HDAC4: variants seen among roughly 807,000 people sequenced by gnomAD.
HDAC4 encodes the protein histone deacetylase A.
Under a neutral mutation model 135.1 loss-of-function variants are expected in HDAC4, and 16 were observed. The observed-to-expected ratio is 0.12, with a 90% CI of 0.08 to 0.18. The LOEUF (loss-of-function observed/expected upper bound fraction) is 0.18, where lower values mean the gene tolerates loss of function less well. Ranked by LOEUF, HDAC4 falls within the 10% of genes least tolerant of loss-of-function variation. HDAC4 has a pLI of 1.00. For missense variants in HDAC4, 1,143 were observed against 1,511.8 expected, an observed-to-expected ratio of 0.76 and a Z score of 4.05; for synonymous variants, 685 against 653.4, an observed-to-expected ratio of 1.05 and a Z score of -0.74.
chr2:239,299,338 GAT>G lies in HDAC4; in HGVS notation c.22+53338_22+53339del, dbSNP rs771160434. Among the ~76,000 whole-genome samples, 58 of 152,310 alleles carry G rather than the reference GAT, an allele frequency of 3.8e-4. 1 individual carries two copies. Among genetic ancestry groups the G allele is most frequent in the Non-Finnish European group, 4.0e-4 (27 of 68,032 alleles). On this transcript the variant is annotated intron_variant, in intron 2 of 26. Coordinates refer to ENST00000543185, the MANE Select transcript of HDAC4 (RefSeq NM_001378414.1). The surrounding 1 kb of genome is among the most constrained non-coding windows in gnomAD (Gnocchi z 4.0). ...TGTTTTGTTTCAAATGCCAAGTAGA[GAT>G]ATTTAAGTACAGGGACAGAGCGTGG...
chr2:239,154,982 G>A (rs1289350191), intron 7 of HDAC4: 4 of 152,276 alleles, frequency 2.6e-5, no homozygotes, highest in Admixed American at 1.3e-4. Flanking sequence ...TGCTGATATG[G>A]CCCACTCCAG....
chr2:239,115,131 A>G lies in HDAC4; in HGVS notation c.1713T>C (p.Asp571=). 1.2e-6 allele frequency: 2 copies of G among 1,611,756 alleles called. No individual in the cohort carries two copies. Among genetic ancestry groups the G allele is most frequent in the African/African-American group, 1.3e-5 (1 of 75,026 alleles). ...CCCGTGGGGGCTCTGCCTCTTCCTCATCGCTCTCAATGGGCTCCTGCTTCA... is the reference window on the plus strand; with the variant it reads ...CCCGTGGGGGCTCTGCCTCTTCCTCGTCGCTCTCAATGGGCTCCTGCTTCA... ...VQVKQEPIES[D]EEEAEPPREV... is the part of the protein sequence containing the mutation. The change falls in exon 13 of 27, where the codon GAT becomes GAC. Residue 571 remains aspartate (D), a synonymous_variant. Coordinates refer to ENST00000543185, the MANE Select transcript of HDAC4 (RefSeq NM_001378414.1). This position sits in a 1 kb window ranked among gnomAD's most constrained non-coding sequence, Gnocchi z 6.3.
intron 3 of HDAC4, chr2:239,190,975 T>G: frequency 2.1e-6 from 1 of 465,986 alleles, no homozygotes; most frequent in Non-Finnish European, 4.4e-6. Flanking sequence ...GTGCAGGCAC[T>G]CACTCTGAGC....
intron 2 of HDAC4, among the ~76,000 whole-genome samples, chr2:239,294,850 T>TC (rs1386298264): frequency 6.6e-6 from 1 of 152,110 alleles, no homozygotes; most frequent in Admixed American, 6.5e-5. Context: ...CTGTGCGCTC[T>TC]CAGGACAGGA....
At chr2:239,192,484 C>G (rs567330749) in intron 3 of HDAC4, among the ~76,000 whole-genome samples, 2 of 152,252 alleles carry the variant, frequency 1.3e-5, no homozygotes, top group East Asian at 3.9e-4. Flanking sequence ...ATATGAAAGG[C>G]AGGGAGGAGA....
At chr2:239,374,677 A>C (rs571282319) in intron 1 of HDAC4, among the ~76,000 whole-genome samples, 1 of 152,250 alleles carries the variant, frequency 6.6e-6, no homozygotes, top group South Asian at 2.1e-4. Flanking sequence ...TGCTGGGATT[A>C]CAGGCGTGAG....
chr2:239,113,681 CCTA>C (rs2038880305), intron 13 of HDAC4, among the ~76,000 whole-genome samples: 1 of 152,196 alleles, frequency 6.6e-6, no homozygotes, highest in South Asian at 2.1e-4. Context: ...TTCTTATCAG[CCTA>C]ATAATAGCAC....
intron 21 of HDAC4, 129 bp downstream of exon 21, chr2:239,081,973 C>T: frequency 1.1e-6 from 1 of 944,516 alleles, no homozygotes; most frequent in South Asian, 1.5e-5. Flanking sequence ...AAGTTACTGT[C>T]TGGGCTTAAG....
At chr2:239,161,019 A>G (rs1040648514) in intron 6 of HDAC4, among the ~76,000 whole-genome samples, 2 of 152,032 alleles carry the variant, frequency 1.3e-5, no homozygotes, top group Non-Finnish European at 2.9e-5. Context: ...CGCAGTTTTG[A>G]TTTGCATTTA....
chr2:239,121,427 C>G (rs1333788832), intron 12 of HDAC4, among the ~76,000 whole-genome samples: 2 of 152,214 alleles, frequency 1.3e-5, no homozygotes, highest in Non-Finnish European at 2.9e-5. Flanking sequence ...ACCTGCCTGC[C>G]TGAGGCTTTC....
intron 9 of HDAC4, among the ~76,000 whole-genome samples, chr2:239,138,735 G>A (rs1395007431): frequency 1.3e-5 from 2 of 152,212 alleles, no homozygotes; most frequent in Non-Finnish European, 2.9e-5. Context: ...GTGGGGCATT[G>A]TGTGGAGTGT....
intron 4 of HDAC4, among the ~76,000 whole-genome samples, chr2:239,183,836 A>G (rs1387205257): frequency 1.3e-5 from 2 of 152,118 alleles, no homozygotes; most frequent in African/African-American, 2.4e-5. Flanking sequence ...CCTGGGCAAC[A>G]TCTCTTCACC....
intron 2 of HDAC4, among the ~76,000 whole-genome samples, chr2:239,295,001 T>C (rs1372429743): frequency 6.6e-6 from 1 of 152,100 alleles, no homozygotes; most frequent in African/African-American, 2.4e-5. Context: ...TAAGGGTTTT[T>C]TAATAATGTG....
chr2:239,127,512 A>G (rs562591446), intron 11 of HDAC4, among the ~76,000 whole-genome samples: 2 of 152,200 alleles, frequency 1.3e-5, no homozygotes, highest in Non-Finnish European at 2.9e-5. Flanking sequence ...TTGTGGGCAA[A>G]AGGATCTAAC....
intron 5 of HDAC4, among the ~76,000 whole-genome samples, chr2:239,170,996 C>T (rs1452437496): frequency 6.6e-6 from 1 of 152,188 alleles, no homozygotes. Context: ...AGCTCCAGAC[C>T]TGACTGCATT....
At chr2:239,372,946 G>A (rs10200378) in intron 1 of HDAC4, among the ~76,000 whole-genome samples, 5,018 of 152,160 alleles carry the variant, frequency 0.033, 261 homozygotes, top group African/African-American at 0.11. Flanking sequence ...ACCATGTCTC[G>A]GGGGAGTCCG....
At position 239,190,214 on chromosome 2, in the gene HDAC4, CTCCCCCTG is replaced by C. The variant is rs551382435; in HGVS notation, c.95-145_95-138del. 145 of 1,192,650 alleles carry C rather than the reference CTCCCCCTG, an allele frequency of 1.2e-4. No homozygotes were observed. In the African/African-American group the frequency reaches 2.1e-3, roughly 18 times the overall value. 73.9% of individuals were successfully genotyped at this position (1,192,650 alleles called of 1,614,324 possible). ...GACCATTTGAGGATTGGATACCCCTCTCCCCCTGTCCCCCTCTTGCCCAACAAACTCAA... is the reference window on the plus strand; with the variant it reads ...GACCATTTGAGGATTGGATACCCCTCTCCCCCTCTTGCCCAACAAACTCAA... On this transcript the variant is annotated intron_variant, in intron 3 of 26. Coordinates refer to ENST00000543185, the MANE Select transcript of HDAC4 (RefSeq NM_001378414.1).
intron 13 of HDAC4, among the ~76,000 whole-genome samples, chr2:239,112,641 G>A (rs1392141283): frequency 6.6e-6 from 1 of 152,204 alleles, no homozygotes; most frequent in East Asian, 1.9e-4. Flanking sequence ...GAGGCAGAGT[G>A]GAGTGGAGGG....
chr2:239,320,281 G>T (rs1421738428), intron 2 of HDAC4, among the ~76,000 whole-genome samples: 1 of 151,302 alleles, frequency 6.6e-6, no homozygotes, highest in Non-Finnish European at 1.5e-5. Flanking sequence ...ACTCGGGAGG[G>T]TGAGGCAGGA....
Sources: gnomAD v4.1 joint callset for allele counts (sites outside exome capture counted in the v4.1 genomes callset) on GRCh38, gnomAD v4.1.1 for gene constraint, Gnocchi (gnomAD v3.1) non-coding constraint, MANE v1.5 for transcripts, NCBI Gene and HGNC (gene_info 2026-07-23, HGNC 2026-07-21) for gene names.